Variants in RREB1 observed in about 807,000 individuals in gnomAD.
RREB1 encodes ras responsive element binding protein 1, also known as ras-responsive element-binding protein 1.
Under a neutral mutation model 117.8 loss-of-function variants are expected in RREB1, and 27 were observed. That is an observed-to-expected ratio of 0.23 (90% CI 0.17 to 0.32). The LOEUF is 0.32. Ranked by LOEUF, RREB1 falls within the 10% of genes least tolerant of loss-of-function variation. The pLI is 1.00. For synonymous variants in RREB1, 1,298 were observed against 1,026.7 expected, an observed-to-expected ratio of 1.26 and a Z score of -5.05; for missense variants, 2,577 against 2,378.2, an observed-to-expected ratio of 1.08 and a Z score of -1.74.
chr6:7,130,620 CTT>C (rs150504185), intron 1 of RREB1, among the ~76,000 whole-genome samples: 1 of 143,796 alleles, frequency 7.0e-6, no homozygotes. Flanking sequence ...GTAGTCATTT[CTT>C]TTTTTTTTTT....
intron 4 of RREB1, among the ~76,000 whole-genome samples, chr6:7,186,400 C>T (rs1310967480): frequency 2.6e-5 from 4 of 152,202 alleles, no homozygotes; most frequent in Non-Finnish European, 4.4e-5. Context: ...ACCCCAGTCC[C>T]CCAGTGACTC....
intron 1 of RREB1, among the ~76,000 whole-genome samples, chr6:7,162,153 A>G (rs1763700399): frequency 6.6e-6 from 1 of 152,114 alleles, no homozygotes; most frequent in African/African-American, 2.4e-5. Flanking sequence ...GACAAGACAC[A>G]CAAAACTTTT....
At chr6:7,173,860 C>T (rs1044750684) in intron 1 of RREB1, among the ~76,000 whole-genome samples, 1 of 152,226 alleles carries the variant, frequency 6.6e-6, no homozygotes, top group African/African-American at 2.4e-5. Context: ...CAGCCCTTAT[C>T]TTTCATCTCT....
rs1210071477 is a variant in RREB1, at chr6:7,231,512, C to G, written c.3413C>G (p.Ala1138Gly). The G allele has an allele frequency of 6.2e-7, 1 of 1,609,178 alleles. No individual in the cohort carries two copies. Among genetic ancestry groups the G allele is most frequent in the African/African-American group, 1.3e-5 (1 of 74,698 alleles). The change falls in exon 10 of 13, where the codon GCT becomes GGT. Residue 1138 changes from alanine (A) to glycine (G), a missense_variant. Transcript: ENST00000379938. ...CCCGCTCCAGCCAGCAGCCCAGAGG[C>G]TGCCTCTCCCACCGAGCAGGGCCCA... ...EPPAPASSPEAASPTEQGPAG... is the reference protein window; with the variant it reads ...EPPAPASSPEGASPTEQGPAG...
rs889509673 is a variant in RREB1 at position 7,246,740 on chromosome 6, G to A, written c.4290G>A (p.Ala1430=). The A allele has an allele frequency of 1.9e-6, 3 of 1,575,078 alleles. No individual in the cohort carries two copies. The highest frequency in any genetic ancestry group is 1.8e-5 in the Admixed American group (1 of 54,432). ...FATKLMDFKL[A]EGDGEAGAGG... is the part of the protein sequence containing the mutation. ...CCAAGCTCATGGACTTCAAGCTGGC[G>A]GAGGGCGACGGCGAGGCAGGCGCCG... Residue 1430 remains alanine (A), a synonymous_variant, in exon 12 of 13, where the codon GCG becomes GCA. Transcript: ENST00000379938.
At chr6:7,202,254 G>C (rs1227651686) in intron 6 of RREB1, among the ~76,000 whole-genome samples, 1 of 152,160 alleles carries the variant, frequency 6.6e-6, no homozygotes, top group Non-Finnish European at 1.5e-5. Context: ...TGCATTTCTT[G>C]TTCCTCTTTT....
chr6:7,112,728 A>G (rs1761204359), intron 1 of RREB1, among the ~76,000 whole-genome samples: 1 of 152,248 alleles, frequency 6.6e-6, no homozygotes, highest in African/African-American at 2.4e-5. Flanking sequence ...TGTTGTTTTC[A>G]TTACTACGGA....
At chr6:7,127,719 G>A (rs1214997156) in intron 1 of RREB1, among the ~76,000 whole-genome samples, 1 of 152,184 alleles carries the variant, frequency 6.6e-6, no homozygotes, top group African/African-American at 2.4e-5. Flanking sequence ...TGACTCTGTG[G>A]GTGATGGCTT....
intron 2 of RREB1, among the ~76,000 whole-genome samples, chr6:7,179,156 T>A (rs1306306691): frequency 6.6e-6 from 1 of 152,270 alleles, no homozygotes; most frequent in Non-Finnish European, 1.5e-5. Flanking sequence ...AATTAGAATT[T>A]TTTTTATAAC....
intron 5 of RREB1, 92 bp from the exon 6 acceptor site, chr6:7,189,067 T>C (rs550897922): frequency 7.8e-6 from 10 of 1,285,490 alleles, no homozygotes; most frequent in South Asian, 6.4e-5. Context: ...AGTTGATTGG[T>C]TTTTTTAATA....
Position 7,240,622 on chromosome 6 carries a change from A to G in RREB1, c.3973+20A>G. 1.2e-6 allele frequency: 2 copies of G among 1,602,834 alleles called. No homozygotes were observed. Among genetic ancestry groups the G allele is most frequent in the Non-Finnish European group, 1.7e-6 (2 of 1,172,752 alleles). On this transcript the variant is annotated intron_variant, in intron 11 of 12. Transcript: ENST00000379938. ...GCACAGGTAGTGCCGCCAGGTGAAC[A>G]AGAACCCAGGAAGAGGGAGAGAGAG... is the stretch of plus-strand genomic sequence containing the variant.
At chr6:7,192,601 C>T (rs1048894371) in intron 6 of RREB1, among the ~76,000 whole-genome samples, 1 of 152,168 alleles carries the variant, frequency 6.6e-6, no homozygotes, top group African/African-American at 2.4e-5. Flanking sequence ...CTCATAATAT[C>T]CTTTTGTAAT....
intron 1 of RREB1, among the ~76,000 whole-genome samples, chr6:7,149,020 T>G (rs1295092998): frequency 6.6e-6 from 1 of 152,140 alleles, no homozygotes; most frequent in African/African-American, 2.4e-5. Context: ...CCTCCCAGGT[T>G]CAAGCAATTC....
chr6:7,161,433 C>G (rs532239210), intron 1 of RREB1, among the ~76,000 whole-genome samples: 3 of 152,262 alleles, frequency 2.0e-5, no homozygotes, highest in Non-Finnish European at 4.4e-5. Context: ...TGCAGATGTT[C>G]TTAGGATGGT....
At chr6:7,154,049 C>T (rs1763248893) in intron 1 of RREB1, among the ~76,000 whole-genome samples, 1 of 152,212 alleles carries the variant, frequency 6.6e-6, no homozygotes, top group Non-Finnish European at 1.5e-5. Flanking sequence ...CCTGCCTGAC[C>T]ACAAAGGTAT....
At chr6:7,238,548 T>A (rs796482502) in intron 10 of RREB1, among the ~76,000 whole-genome samples, 19 of 152,250 alleles carry the variant, frequency 1.2e-4, no homozygotes, top group African/African-American at 4.6e-4. Flanking sequence ...CAAGAAGTAA[T>A]TTGGAAGACG....
chr6:7,148,542 T>TC (rs1554118075), intron 1 of RREB1, among the ~76,000 whole-genome samples: 1 of 72,818 alleles, frequency 1.4e-5, no homozygotes, highest in African/African-American at 4.2e-5. Flanking sequence ...AAAAGTAAAG[T>TC]GGGGGGGGGT....
chr6:7,136,661 G>A (rs1762359531), intron 1 of RREB1, among the ~76,000 whole-genome samples: 1 of 152,106 alleles, frequency 6.6e-6, no homozygotes, highest in Admixed American at 6.5e-5. Flanking sequence ...CTACCTTTTT[G>A]AACAGAAGAG....
rs747198771 is a variant in RREB1, at chr6:7,251,489, C to CTTGTTT, written c.*2523_*2524insGTTTTT. 34 of 121,340 alleles carry CTTGTTT rather than the reference C, an allele frequency of 2.8e-4. No homozygotes were observed. The highest frequency in any genetic ancestry group is 9.6e-4 in the African/African-American group (30 of 31,408). The allele number at this position is 121,340 out of a possible 1,614,324, so 7.5% of individuals were successfully genotyped here. ...GTTTTTTGAGGTGCAAGTTTTTTCT[C>CTTGTTT]TTTTTTTTTTTTTTTTTTTTTTCTC... On this transcript the variant is annotated 3_prime_UTR_variant, in exon 13 of 13. Coordinates refer to ENST00000379938, the MANE Select transcript of RREB1 (RefSeq NM_001003699.4).
Sources: allele counts gnomAD v4.1 joint callset (sites outside exome capture counted in the v4.1 genomes callset), GRCh38; gene constraint gnomAD v4.1.1; transcripts MANE v1.5; gene names NCBI Gene and HGNC (gene_info 2026-07-23, HGNC 2026-07-21).